The following PAPOLA variants were observed in gnomAD, a reference collection of about 807,000 sequenced individuals.
PAPOLA encodes the protein poly(A) polymerase alpha, also known as polynucleotide adenylyltransferase alpha.
Under a neutral mutation model 100.6 loss-of-function variants are expected in PAPOLA, and 15 were observed. That is an observed-to-expected ratio of 0.15 (90% CI 0.10 to 0.23). PAPOLA has a LOEUF of 0.23. Among genes scored for constraint, PAPOLA ranks in the 10% least tolerant of loss-of-function variants. The pLI, the probability that PAPOLA is intolerant of heterozygous loss-of-function variation, is 1.00. For missense variants in PAPOLA, 533 were observed against 884.2 expected (o/e 0.60, Z 5.04); for synonymous variants, 293 against 300.0 (o/e 0.98, Z 0.24).
intron 1 of PAPOLA, 131 bp from the exon 2 acceptor site, chr14:96,519,924 A>AT: frequency 1.5e-6 from 1 of 675,068 alleles, no homozygotes; most frequent in Non-Finnish European, 2.3e-6. Flanking sequence ...TTTGTCAAAA[A>AT]TTTTGGGGGT....
intron 19 of PAPOLA, among the ~76,000 whole-genome samples, chr14:96,557,046 T>C (rs1156452745): frequency 6.6e-6 from 1 of 152,076 alleles, no homozygotes; most frequent in Non-Finnish European, 1.5e-5. Context: ...TCCAGCTTAA[T>C]TTTTTGTTTT....
At position 96,542,240 on chromosome 14, in the gene PAPOLA, A is replaced by G; in HGVS notation, c.1116-3A>G. 6.4e-7 allele frequency: 1 copy of G among 1,568,940 alleles called. No individual in the cohort carries two copies. The highest frequency in any genetic ancestry group is 8.8e-7 in the Non-Finnish European group (1 of 1,140,354). On this transcript the variant is annotated splice_polypyrimidine_tract_variant and splice_region_variant and intron_variant, in intron 12 of 21. Transcript: ENST00000216277. ...AAATAGCATGTTGTCTTTATCTTCA[A>G]AGGCATTATATTGTACTTCTAGCAA...
At chr14:96,528,037 C>T in intron 6 of PAPOLA, 31 bp downstream of exon 6, 1 of 1,421,852 alleles carries the variant, frequency 7.0e-7, no homozygotes, top group Non-Finnish European at 1.0e-6. Flanking sequence ...ACAGTTCTTG[C>T]TATGTGCTGT....
chr14:96,558,904 T>C (rs1008749869), intron 19 of PAPOLA, among the ~76,000 whole-genome samples: 5 of 152,122 alleles, frequency 3.3e-5, no homozygotes, highest in African/African-American at 1.2e-4. Flanking sequence ...AATAGGCTGT[T>C]TGTTTAAATC....
At chr14:96,543,388 G>A (rs1900145209) in intron 14 of PAPOLA, among the ~76,000 whole-genome samples, 1 of 151,982 alleles carries the variant, frequency 6.6e-6, no homozygotes, top group South Asian at 2.1e-4. Flanking sequence ...ATTTATGTAG[G>A]TTAGTTGTTG....
At chr14:96,536,811 A>T (rs1899572471) in intron 11 of PAPOLA, 165 bp from the exon 12 acceptor site, 1 of 437,418 alleles carries the variant, frequency 2.3e-6, no homozygotes, top group Non-Finnish European at 4.1e-6. Flanking sequence ...TAAAAAAAAA[A>T]TGTGTATATA....
intron 19 of PAPOLA, among the ~76,000 whole-genome samples, chr14:96,557,525 C>T (rs1172725639): frequency 6.6e-6 from 1 of 150,400 alleles, no homozygotes; most frequent in East Asian, 1.9e-4. Flanking sequence ...GAGGCATTTG[C>T]AATTGCCCCA....
chr14:96,544,053 G>A, intron 14 of PAPOLA, 96 bp from the exon 15 acceptor site: 1 of 716,374 alleles, frequency 1.4e-6, no homozygotes, highest in Non-Finnish European at 2.5e-6. Flanking sequence ...TCATACATTT[G>A]TATTGTAAGT....
chr14:96,541,495 C>T (rs971964894), intron 12 of PAPOLA, among the ~76,000 whole-genome samples: 6 of 151,944 alleles, frequency 3.9e-5, no homozygotes, highest in East Asian at 3.9e-4. Context: ...CTTTTTTAGT[C>T]GTAGGAAACT....
In PAPOLA at chr14:96,565,742, A is replaced by G. The variant is rs1902221039; in HGVS notation, c.*692A>G. 1 of 398,200 alleles carries G rather than the reference A, an allele frequency of 2.5e-6. No homozygotes were observed. Among genetic ancestry groups the G allele is most frequent in the Admixed American group, 4.4e-5 (1 of 22,714 alleles). 24.7% of individuals were successfully genotyped at this position (398,200 alleles called of 1,614,324 possible). On this transcript the variant is annotated 3_prime_UTR_variant, in exon 22 of 22. Coordinates refer to ENST00000216277, the MANE Select transcript of PAPOLA (RefSeq NM_032632.5). ...TTTATGGAATTGTTTTATAGTGCAT[A>G]CAAATCAGCGATCAGCCAGCAAATA... is the stretch of plus-strand genomic sequence containing the variant.
Position 96,552,527 on chromosome 14 carries a change from C to G in PAPOLA, c.1569C>G (p.Leu523=), listed in dbSNP as rs35861551. The G allele has an allele frequency of 6.2e-6, 10 of 1,613,778 alleles. No individual in the cohort carries two copies. In the Admixed American group the frequency reaches 1.3e-4, roughly 22 times the overall value. Reference sequence around the variant, plus strand: ...TGACAGCTCTCAATGACAGCAGCCTCGACTTGTCTATGGACAGTGATAACA... The same window carrying G: ...TGACAGCTCTCAATGACAGCAGCCTGGACTTGTCTATGGACAGTGATAACA... The part of the protein sequence containing the change: ...VKLTALNDSS[L]DLSMDSDNSM... The change falls in exon 17 of 22, where the codon CTC becomes CTG. Residue 523 remains leucine (L), a synonymous_variant. Coordinates refer to ENST00000216277, the MANE Select transcript of PAPOLA (RefSeq NM_032632.5).
At chr14:96,534,646 C>T (rs762065984) in intron 10 of PAPOLA, 83 bp downstream of exon 10, 69 of 1,605,138 alleles carry the variant, frequency 4.3e-5, no homozygotes, top group Non-Finnish European at 5.3e-5. Flanking sequence ...AGGGAGACTT[C>T]CAGCCTTTTA....
intron 11 of PAPOLA, 75 bp downstream of exon 11, chr14:96,536,074 G>A (rs993611427): frequency 5.3e-6 from 6 of 1,130,204 alleles, no homozygotes; most frequent in Non-Finnish European, 7.1e-6. Context: ...AGTCAGCTGT[G>A]CAACTTAAAT....
At chr14:96,519,523 A>C (rs1566838826) in intron 1 of PAPOLA, among the ~76,000 whole-genome samples, 1 of 152,208 alleles carries the variant, frequency 6.6e-6, no homozygotes, top group Non-Finnish European at 1.5e-5. Context: ...ATCGAAGTGT[A>C]AATCTCTTAA....
intron 1 of PAPOLA, among the ~76,000 whole-genome samples, chr14:96,506,285 A>G (rs147879109): frequency 3.5e-4 from 54 of 152,322 alleles, no homozygotes; most frequent in African/African-American, 1.2e-3. Flanking sequence ...ATTTTATTAA[A>G]TCTTGACACT....
At chr14:96,521,218 T>C (rs1897936871) in intron 3 of PAPOLA, 146 bp downstream of exon 3, 1 of 590,842 alleles carries the variant, frequency 1.7e-6, no homozygotes, top group East Asian at 2.9e-5. Context: ...GATTTTACAT[T>C]ATTTTTCTAG....
At chr14:96,506,708 ATG>A (rs1896738445) in intron 1 of PAPOLA, among the ~76,000 whole-genome samples, 1 of 152,210 alleles carries the variant, frequency 6.6e-6, no homozygotes, top group African/African-American at 2.4e-5. Flanking sequence ...TAAAAAAAGA[ATG>A]TTTTTTAATA....
Position 96,532,350 on chromosome 14 carries a change from A to G in PAPOLA, c.627A>G (p.Glu209=). The change falls in exon 8 of 22, where the codon GAA becomes GAG. Residue 209 remains glutamate (E), a synonymous_variant. Coordinates refer to ENST00000216277, the MANE Select transcript of PAPOLA (RefSeq NM_032632.5). The part of the protein sequence containing the change: ...RSLNGCRVTD[E]ILHLVPNIDN... Reference sequence around the variant, plus strand: ...AATTAGGTTGCAGGGTAACCGATGAAATTTTACATCTAGTACCAAACATTG... The same window carrying G: ...AATTAGGTTGCAGGGTAACCGATGAGATTTTACATCTAGTACCAAACATTG... The G allele has an allele frequency of 6.2e-7, 1 of 1,612,444 alleles. No homozygotes were observed. Among genetic ancestry groups the G allele is most frequent in the Non-Finnish European group, 8.5e-7 (1 of 1,179,632 alleles).
At chr14:96,534,628 T>C in intron 10 of PAPOLA, 65 bp downstream of exon 10, 1 of 1,611,938 alleles carries the variant, frequency 6.2e-7, no homozygotes, top group Middle Eastern at 1.7e-4. Context: ...ATCATCTGCA[T>C]AAACTCCAGG....
Sources: gnomAD v4.1 joint callset for allele counts (sites outside exome capture counted in the v4.1 genomes callset) on GRCh38, gnomAD v4.1.1 for gene constraint, MANE v1.5 for transcripts, NCBI Gene and HGNC (gene_info 2026-07-23, HGNC 2026-07-21) for gene names.